CSMD3: variants seen among roughly 807,000 people sequenced by gnomAD.
CSMD3 encodes the protein CUB and Sushi multiple domains 3.
Under a neutral mutation model 435.2 loss-of-function variants are expected in CSMD3, and 177 were observed. That is an observed-to-expected ratio of 0.41 (90% CI 0.36 to 0.46). The LOEUF (loss-of-function observed/expected upper bound fraction) is 0.46. Ranked by LOEUF, CSMD3 falls within the 20% of genes least tolerant of loss-of-function variation. CSMD3 has a pLI of 0.34. For missense variants in CSMD3, 4,265 were observed against 4,504.6 expected, an observed-to-expected ratio of 0.95 and a Z score of 1.52; for synonymous variants, 1,656 against 1,520.5, an observed-to-expected ratio of 1.09 and a Z score of -2.07.
At chr8:112,728,770 C>G (rs1427539425) in intron 13 of CSMD3, among the ~76,000 whole-genome samples, 1 of 151,950 alleles carries the variant, frequency 6.6e-6, no homozygotes, top group African/African-American at 2.4e-5. Flanking sequence ...GCCATTTCTC[C>G]TATTTAAAAC....
intron 47 of CSMD3, among the ~76,000 whole-genome samples, chr8:112,317,491 C>T (rs1822584673): frequency 6.6e-6 from 1 of 151,916 alleles, no homozygotes; most frequent in Admixed American, 6.6e-5. Flanking sequence ...AAGGTTGAGC[C>T]TCTGTCTTCT....
chr8:113,032,916 G>A (rs1430782886), intron 5 of CSMD3, among the ~76,000 whole-genome samples: 1 of 151,498 alleles, frequency 6.6e-6, no homozygotes, highest in Non-Finnish European at 1.5e-5. Context: ...TAAAGCTCCA[G>A]CCATGCCTAA....
At chr8:113,005,779 T>G (rs1315821294) in intron 6 of CSMD3, among the ~76,000 whole-genome samples, 1 of 152,178 alleles carries the variant, frequency 6.6e-6, no homozygotes, top group East Asian at 1.9e-4. Context: ...TTTTAAAAAA[T>G]AATAAACAAA....
intron 5 of CSMD3, among the ~76,000 whole-genome samples, chr8:113,097,359 G>C (rs1471791333): frequency 1.3e-5 from 2 of 151,948 alleles, no homozygotes; most frequent in African/African-American, 4.8e-5. Context: ...TGTGTCTAAA[G>C]CACCAAAGAG....
chr8:112,449,474 C>G (rs567716013), intron 32 of CSMD3, among the ~76,000 whole-genome samples: 1 of 152,136 alleles, frequency 6.6e-6, no homozygotes, highest in African/African-American at 2.4e-5. Context: ...GAAGCTAACC[C>G]TAAGAAAAGC....
intron 22 of CSMD3, among the ~76,000 whole-genome samples, chr8:112,625,251 G>A (rs1356604360): frequency 6.6e-6 from 1 of 151,900 alleles, no homozygotes; most frequent in Non-Finnish European, 1.5e-5. Context: ...ACCTTTTATA[G>A]GTACAAGGCA....
At chr8:112,642,381 G>A (rs1457905969) in intron 20 of CSMD3, among the ~76,000 whole-genome samples, 1 of 152,096 alleles carries the variant, frequency 6.6e-6, no homozygotes, top group Non-Finnish European at 1.5e-5. Flanking sequence ...TGTAAATAAG[G>A]AGCAATGTAG....
chr8:112,457,348 A>T (rs1012910696), intron 32 of CSMD3, among the ~76,000 whole-genome samples: 13 of 152,186 alleles, frequency 8.5e-5, no homozygotes, highest in African/African-American at 3.1e-4. Context: ...AGAGAACTGG[A>T]TTGTTCAGAA....
In CSMD3 at chr8:112,287,156, T is replaced by A. The variant is rs1345741382; in HGVS notation, c.9239A>T (p.Tyr3080Phe). Residue 3080 changes from tyrosine (Y) to phenylalanine (F), a missense_variant, in exon 58 of 71, where the codon TAT (tyrosine) becomes TTT (phenylalanine). Physicochemically the swap from Tyr to Phe is conservative, Grantham distance 22. Coordinates refer to ENST00000297405, the MANE Select transcript of CSMD3 (RefSeq NM_198123.2). ...SNFRTKSTVRYACDTGYILHG... is the reference protein window; with the variant it reads ...SNFRTKSTVRFACDTGYILHG... Reference sequence around the variant, plus strand: ...AAGGATGTAACCAGTATCACAAGCATAACGTACAGTACTTTTAGTTCTGAA... The same window carrying A: ...AAGGATGTAACCAGTATCACAAGCAAAACGTACAGTACTTTTAGTTCTGAA... 6.2e-7 allele frequency: 1 copy of A among 1,613,790 alleles called. No homozygotes were observed. The highest frequency in any genetic ancestry group is 1.7e-5 in the Admixed American group (1 of 59,892).
intron 34 of CSMD3, among the ~76,000 whole-genome samples, chr8:112,407,872 T>A (rs2130053406): frequency 6.6e-6 from 1 of 152,080 alleles, no homozygotes; most frequent in Non-Finnish European, 1.5e-5. Flanking sequence ...CTGAAGAAAG[T>A]TTTAATTCTC....
At chr8:113,256,966 C>G (rs538213004) in intron 3 of CSMD3, among the ~76,000 whole-genome samples, 1 of 152,186 alleles carries the variant, frequency 6.6e-6, no homozygotes, top group East Asian at 1.9e-4. Flanking sequence ...CTTATAAACA[C>G]TGAAGTCTGG....
At chr8:112,593,898 T>A (rs1831419745) in intron 22 of CSMD3, among the ~76,000 whole-genome samples, 1 of 151,874 alleles carries the variant, frequency 6.6e-6, no homozygotes. Context: ...GAAGGAAGGG[T>A]CTTTTTGTTT....
intron 24 of CSMD3, among the ~76,000 whole-genome samples, chr8:112,571,342 A>C (rs1307432300): frequency 6.6e-6 from 1 of 152,124 alleles, no homozygotes; most frequent in Non-Finnish European, 1.5e-5. Flanking sequence ...ATGTGACTTC[A>C]AATATTTGCT....
chr8:113,049,042 C>A (rs775583227), intron 5 of CSMD3, among the ~76,000 whole-genome samples: 1 of 152,074 alleles, frequency 6.6e-6, no homozygotes, highest in Non-Finnish European at 1.5e-5. Flanking sequence ...AGTTCAAGAC[C>A]AGCGTGGTCA....
intron 4 of CSMD3, among the ~76,000 whole-genome samples, chr8:113,156,576 A>G (rs1490375308): frequency 6.6e-6 from 1 of 151,684 alleles, no homozygotes; most frequent in Non-Finnish European, 1.5e-5. Flanking sequence ...GTCTGCTCCT[A>G]GAAGTGGACT....
chr8:112,846,077 T>G (rs2080308886), intron 11 of CSMD3, among the ~76,000 whole-genome samples: 1 of 152,028 alleles, frequency 6.6e-6, no homozygotes, highest in Admixed American at 6.6e-5. Flanking sequence ...CTTAATTTAT[T>G]ATTTAAAAAT....
intron 61 of CSMD3, among the ~76,000 whole-genome samples, chr8:112,256,858 T>A (rs532740063): frequency 9.2e-5 from 14 of 152,162 alleles, no homozygotes; most frequent in African/African-American, 3.4e-4. Flanking sequence ...AAATGCATCA[T>A]CCAAACTGAG....
rs184552666 is a variant in CSMD3, at chr8:112,590,578, G to T, written c.3716-3343C>A. Among the ~76,000 whole-genome samples, 5 of 152,216 alleles carry T rather than the reference G, an allele frequency of 3.3e-5. No homozygotes were observed. The East Asian group carries it at 9.7e-4, about 29-fold the overall frequency. The stretch of plus-strand genomic sequence containing the variant: ...TATCTGGTGTGATAGCAGAAGAAAT[G>T]TTCTTTCTTAGGTGTGTATGAATGG... On this transcript the variant is annotated intron_variant, in intron 22 of 70. Coordinates refer to ENST00000297405, the MANE Select transcript of CSMD3 (RefSeq NM_198123.2).
chr8:113,262,642 T>A (rs978768301), intron 3 of CSMD3, among the ~76,000 whole-genome samples: 1 of 152,038 alleles, frequency 6.6e-6, no homozygotes, highest in Non-Finnish European at 1.5e-5. Flanking sequence ...AAGAAAGCCA[T>A]GTTGTGAACG....
Sources: allele counts gnomAD v4.1 joint callset (sites outside exome capture counted in the v4.1 genomes callset), GRCh38; gene constraint gnomAD v4.1.1; transcripts MANE v1.5; gene names NCBI Gene and HGNC (gene_info 2026-07-23, HGNC 2026-07-21).